The following USP34 variants were observed in gnomAD, a reference collection of about 807,000 sequenced individuals.
USP34 encodes ubiquitin carboxyl-terminal hydrolase 34.
Under a neutral mutation model 460.3 loss-of-function variants are expected in USP34, and 70 were observed. The observed-to-expected ratio is 0.15, with a 90% CI of 0.13 to 0.19. The LOEUF (loss-of-function observed/expected upper bound fraction) is 0.19, where lower values mean the gene tolerates loss of function less well. USP34 is among the 10% of genes least tolerant of loss of function. The pLI, the probability that USP34 is intolerant of heterozygous loss-of-function variation, is 1.00. For synonymous variants in USP34, 1,647 were observed against 1,405.3 expected, an observed-to-expected ratio of 1.17 and a Z score of -3.85; for missense variants, 3,985 against 4,236.2, an observed-to-expected ratio of 0.94 and a Z score of 1.65.
chr2:61,441,772 G>A lies in USP34; in HGVS notation c.44-20939C>T, dbSNP rs140744563. Reference sequence around the variant, plus strand: ...GCTGTGATGGTACCACTGAACTACAGCCTGGGCAACAGAGAGAGAGACTGC... The same window carrying A: ...GCTGTGATGGTACCACTGAACTACAACCTGGGCAACAGAGAGAGAGACTGC... On this transcript the variant is annotated intron_variant, in intron 1 of 79. Coordinates refer to ENST00000398571, the MANE Select transcript of USP34 (RefSeq NM_014709.4). Among the ~76,000 whole-genome samples the A allele has an allele frequency of 6.9e-5, 9 of 131,250 alleles. No homozygotes were observed. The East Asian group carries it at 2.0e-3, about 29-fold the overall frequency. 86.1% of individuals were successfully genotyped at this position (131,250 alleles called of 152,430 possible).
At chr2:61,256,798 G>A in intron 47 of USP34, 75 bp downstream of exon 47, 1 of 1,125,010 alleles carries the variant, frequency 8.9e-7, no homozygotes, top group Non-Finnish European at 1.2e-6. Context: ...AAAATATCAA[G>A]ATGACCAACA....
chr2:61,234,765 CAGT>C (rs1168043017), intron 57 of USP34, among the ~76,000 whole-genome samples: 3 of 151,838 alleles, frequency 2.0e-5, no homozygotes, highest in Admixed American at 6.6e-5. Flanking sequence ...TCAGCCTCCC[CAGT>C]AGTTGGGATT....
At chr2:61,296,656 G>T (rs955473368) in intron 30 of USP34, 144 bp downstream of exon 30, 42 of 667,544 alleles carry the variant, frequency 6.3e-5, no homozygotes, top group Non-Finnish European at 8.4e-5. Flanking sequence ...ACATTAAAAT[G>T]CAGTGGCACT....
chr2:61,433,349 A>G (rs1011020516), intron 1 of USP34, among the ~76,000 whole-genome samples: 9 of 152,206 alleles, frequency 5.9e-5, no homozygotes, highest in African/African-American at 2.2e-4. Flanking sequence ...CAAGTGGCGA[A>G]TCGGCCAGGT....
At chr2:61,464,313 C>T (rs111373954) in intron 1 of USP34, among the ~76,000 whole-genome samples, 3,836 of 152,200 alleles carry the variant, frequency 0.025, 162 homozygotes, top group African/African-American at 0.087. Context: ...AGTGAGACTC[C>T]GTCTCAAAAA....
chr2:61,244,321 A>G (rs1688361940), intron 51 of USP34, among the ~76,000 whole-genome samples: 1 of 152,302 alleles, frequency 6.6e-6, no homozygotes, highest in South Asian at 2.1e-4. Flanking sequence ...ATGTCTTTTC[A>G]ATATCTATTG....
intron 51 of USP34, 66 bp downstream of exon 51, chr2:61,245,144 G>C: frequency 1.6e-6 from 2 of 1,224,284 alleles, no homozygotes; most frequent in Non-Finnish European, 2.3e-6. Context: ...TCTGCTATTG[G>C]ATTTTATGAT....
intron 3 of USP34, among the ~76,000 whole-genome samples, chr2:61,398,294 G>A (rs183260110): frequency 1.6e-4 from 25 of 152,146 alleles, no homozygotes; most frequent in African/African-American, 5.8e-4. Context: ...ATGAACTTGG[G>A]AGGTCTAGGC....
At chr2:61,432,342 A>G (rs1694702797) in intron 1 of USP34, among the ~76,000 whole-genome samples, 1 of 152,240 alleles carries the variant, frequency 6.6e-6, no homozygotes, top group South Asian at 2.1e-4. Flanking sequence ...TGGGCATAAT[A>G]TCCCGTACCT....
intron 78 of USP34, 68 bp from the exon 79 acceptor site, chr2:61,189,137 A>T: frequency 6.7e-7 from 1 of 1,491,108 alleles, no homozygotes; most frequent in Non-Finnish European, 9.1e-7. Flanking sequence ...GTTTACAGTT[A>T]ATTGCAGATG....
chr2:61,378,281 A>G (rs1379236798), intron 8 of USP34, 82 bp downstream of exon 8: 6 of 1,069,312 alleles, frequency 5.6e-6, no homozygotes, highest in Admixed American at 2.5e-5. Context: ...TAAAAATTTT[A>G]AATCTAAAAA....
intron 27 of USP34, among the ~76,000 whole-genome samples, chr2:61,307,651 TA>T (rs1262652222): frequency 6.6e-6 from 1 of 151,872 alleles, no homozygotes; most frequent in Admixed American, 6.6e-5. Flanking sequence ...GAAGGCAAAA[TA>T]AACATTTTTA....
chr2:61,334,114 G>C (rs1572943455), intron 18 of USP34, 143 bp from the exon 19 acceptor site: 1 of 519,092 alleles, frequency 1.9e-6, no homozygotes, highest in East Asian at 3.6e-5. Flanking sequence ...TTTTTTCTCA[G>C]AAGTATAAAT....
chr2:61,377,958 G>T (rs1692846120), intron 8 of USP34, among the ~76,000 whole-genome samples: 1 of 152,170 alleles, frequency 6.6e-6, no homozygotes, highest in African/African-American at 2.4e-5. Flanking sequence ...GCAAGTGGAT[G>T]GCTTGAGTCT....
chr2:61,275,765 G>A (rs1355437629), intron 41 of USP34, among the ~76,000 whole-genome samples: 1 of 152,168 alleles, frequency 6.6e-6, no homozygotes, highest in South Asian at 2.1e-4. Flanking sequence ...CAAGTGAAGA[G>A]TAAGTGACTC....
chr2:61,331,203 A>G lies in USP34; in HGVS notation c.2930+73T>C. The stretch of plus-strand genomic sequence containing the variant: ...TTACTTATTATATGAAAAAAAGTTA[A>G]AACACTGGAAAATCATCTTTCAAAG... On this transcript the variant is annotated intron_variant, in intron 20 of 79. Coordinates refer to ENST00000398571, the MANE Select transcript of USP34 (RefSeq NM_014709.4). 3.0e-6 allele frequency: 4 copies of G among 1,319,874 alleles called. No homozygotes were observed. The African/African-American group carries it at 4.5e-5, about 15-fold the overall frequency. 81.8% of individuals were successfully genotyped at this position (1,319,874 alleles called of 1,614,324 possible).
chr2:61,465,922 A>G (rs985291096), intron 1 of USP34, among the ~76,000 whole-genome samples: 1 of 152,042 alleles, frequency 6.6e-6, no homozygotes, highest in Non-Finnish European at 1.5e-5. Context: ...GCTTGCAGTG[A>G]GCAGAGATGG....
At chr2:61,373,775 T>A (rs998186965) in intron 8 of USP34, among the ~76,000 whole-genome samples, 3 of 152,190 alleles carry the variant, frequency 2.0e-5, no homozygotes, top group Admixed American at 6.5e-5. Flanking sequence ...ACAGGAAATA[T>A]GTACATAATA....
In USP34 at chr2:61,470,731, A is replaced by G; in HGVS notation, c.-39T>C. The G allele has an allele frequency of 6.5e-7, 1 of 1,549,388 alleles. No individual in the cohort carries two copies. The highest frequency in any genetic ancestry group is 8.8e-7 in the Non-Finnish European group (1 of 1,139,678). On this transcript the variant is annotated 5_prime_UTR_variant, in exon 1 of 80. Transcript: ENST00000398571. ...CCCCCCCCCTCCCCCGCTTCGGATC[A>G]CACTGACTGATCCCGACCGGCGGGG...
Sources: gnomAD v4.1 joint callset for allele counts (sites outside exome capture counted in the v4.1 genomes callset) on GRCh38, gnomAD v4.1.1 for gene constraint, MANE v1.5 for transcripts, NCBI Gene and HGNC (gene_info 2026-07-23, HGNC 2026-07-21) for gene names.